The following ENAH variants were observed in gnomAD, a reference collection of about 807,000 sequenced individuals.
The protein encoded by ENAH is protein enabled homolog.
In ENAH, 23 loss-of-function variants were observed where a neutral mutation model predicts 78.7. The ratio of observed to expected loss-of-function variants is 0.29; its 90% CI spans 0.21 to 0.41. The LOEUF (loss-of-function observed/expected upper bound fraction) is 0.41, where lower values mean the gene tolerates loss of function less well. Among genes scored for constraint, ENAH ranks in the 10% least tolerant of loss-of-function variants. The pLI, the probability that ENAH is intolerant of heterozygous loss-of-function variation, is 1.00. For missense variants in ENAH, 544 were observed against 691.0 expected (o/e 0.79, Z 2.39); for synonymous variants, 226 against 241.0 (o/e 0.94, Z 0.58).
chr1:225,519,701 A>C (rs2151173494), intron 4 of ENAH, 136 bp from the exon 5 acceptor site: 6 of 1,280,882 alleles, frequency 4.7e-6, no homozygotes, highest in South Asian at 1.5e-5. Context: ...CTCCTCCCAC[A>C]TGAAGGCTAC....
intron 1 of ENAH, among the ~76,000 whole-genome samples, chr1:225,639,354 C>A (rs1264663191): frequency 6.6e-6 from 1 of 152,088 alleles, no homozygotes; most frequent in Non-Finnish European, 1.5e-5. Context: ...CTTAAGAGAG[C>A]TGCTATGGTT....
At chr1:225,621,292 C>G in intron 1 of ENAH, among the ~76,000 whole-genome samples, 1 of 147,360 alleles carries the variant, frequency 6.8e-6, no homozygotes, top group Non-Finnish European at 1.5e-5. Flanking sequence ...TTAAATCTAT[C>G]TCTCTTTTTT....
At chr1:225,572,435 A>G (rs1047642561) in intron 1 of ENAH, among the ~76,000 whole-genome samples, 6 of 152,210 alleles carry the variant, frequency 3.9e-5, no homozygotes, top group Admixed American at 3.9e-4. Context: ...GAATCTAAAA[A>G]TAGGAATATT....
chr1:225,511,216 T>A (rs1005923945), intron 10 of ENAH, among the ~76,000 whole-genome samples: 1 of 152,230 alleles, frequency 6.6e-6, no homozygotes, highest in Non-Finnish European at 1.5e-5. Flanking sequence ...CAGCCCTTAG[T>A]CTTTAATCAA....
intron 1 of ENAH, among the ~76,000 whole-genome samples, chr1:225,639,494 A>T (rs1660634342): frequency 6.6e-6 from 1 of 151,750 alleles, no homozygotes; most frequent in Non-Finnish European, 1.5e-5. Flanking sequence ...CAGGAATTCA[A>T]CCCCTTTTTT....
At chr1:225,634,326 T>C (rs1218937471) in intron 1 of ENAH, among the ~76,000 whole-genome samples, 3 of 152,234 alleles carry the variant, frequency 2.0e-5, no homozygotes, top group African/African-American at 2.4e-5. Context: ...GTGTAACTTA[T>C]ATAGTAGTTG....
Position 225,514,597 on chromosome 1 carries a change from C to T in ENAH, c.1217G>A (p.Arg406Gln), listed in dbSNP as rs1190159446. The T allele has an allele frequency of 6.8e-6, 11 of 1,611,126 alleles. No individual in the cohort carries two copies. The highest frequency in any genetic ancestry group is 6.7e-5 in the East Asian group (3 of 44,862). Residue 406 changes from arginine (R) to glutamine (Q), a missense_variant and splice_region_variant, in exon 7 of 14, where the codon CGG (arginine) becomes CAG (glutamine). Arg to Gln is a conservative substitution (Grantham distance 43). Around this residue, in one of 4 missense-constraint regions of ENAH, gnomAD observed 366 missense variants for 396.1 expected, o/e 0.92. Transcript: ENST00000366843. ...AAAATTTTTCAGAAAGGTATTTACC[C>T]GTGACACTTTCCTAAGTTTTGCTCC... ...IAGAKLRKVS[R>Q]MEDTSFPSGG...
chr1:225,641,140 G>A (rs1276157429), intron 1 of ENAH, among the ~76,000 whole-genome samples: 3 of 151,518 alleles, frequency 2.0e-5, no homozygotes, highest in African/African-American at 7.3e-5. Flanking sequence ...TGGGATTACA[G>A]GCATGAGCCA....
intron 1 of ENAH, chr1:225,652,265 G>A: frequency 1.1e-6 from 1 of 893,466 alleles, no homozygotes; most frequent in Non-Finnish European, 1.3e-6. Flanking sequence ...AATTAAACAC[G>A]AGAGTTCGGA....
intron 3 of ENAH, among the ~76,000 whole-genome samples, chr1:225,539,867 G>A (rs144727765): frequency 3.1e-4 from 47 of 152,174 alleles, no homozygotes; most frequent in Non-Finnish European, 5.1e-4. Flanking sequence ...GAACTTTCTG[G>A]CAGTCAACAC....
intron 1 of ENAH, among the ~76,000 whole-genome samples, chr1:225,586,295 G>A (rs938618106): frequency 1.3e-5 from 2 of 149,832 alleles, no homozygotes; most frequent in Non-Finnish European, 3.0e-5. Context: ...AAGAAAAGAG[G>A]GGAGAGGAGG....
intron 1 of ENAH, among the ~76,000 whole-genome samples, chr1:225,586,933 CA>C (rs571548591): frequency 5.2e-4 from 17 of 32,820 alleles, no homozygotes; most frequent in African/African-American, 1.2e-3. Flanking sequence ...CTGACCATCT[CA>C]AAAAAAAAAG....
At chr1:225,499,198 C>T (rs2096267449) in intron 12 of ENAH, among the ~76,000 whole-genome samples, 1 of 152,040 alleles carries the variant, frequency 6.6e-6, no homozygotes, top group African/African-American at 2.4e-5. Context: ...TTTTAAAATG[C>T]AGCTACAGCC....
rs566269341 is a variant in ENAH, at chr1:225,592,646, C to G, written c.6-25232G>C. Among the ~76,000 whole-genome samples, 13 of 152,238 alleles carry G rather than the reference C, an allele frequency of 8.5e-5. No individual in the cohort carries two copies. In the East Asian group the frequency reaches 1.5e-3, roughly 18 times the overall value. On this transcript the variant is annotated intron_variant, in intron 1 of 13. Transcript: ENST00000366843. ...ATATTTTAGTATTTGGATTAAAAGT[C>G]AACTTGAAATAAAACATAAATGAAT...
At chr1:225,517,794 T>C (rs918112554) in intron 5 of ENAH, 22 of 1,551,064 alleles carry the variant, frequency 1.4e-5, no homozygotes, top group Non-Finnish European at 1.9e-5. Flanking sequence ...TTGCAAAACG[T>C]GTCGCTGAGT....
At chr1:225,650,848 TAAAAAAA>T (rs746549168) in intron 1 of ENAH, among the ~76,000 whole-genome samples, 843 of 58,940 alleles carry the variant, frequency 0.014, 19 homozygotes, top group African/African-American at 0.055. Context: ...AGACTGCATT[TAAAAAAA>T]AAAAAAAAAA....
At chr1:225,598,146 A>G (rs1575663706) in intron 1 of ENAH, among the ~76,000 whole-genome samples, 1 of 152,178 alleles carries the variant, frequency 6.6e-6, no homozygotes, top group Admixed American at 6.5e-5. Context: ...CTAATGACTC[A>G]TGCATGTGGT....
chr1:225,501,902 C>G (rs913607664), intron 11 of ENAH, among the ~76,000 whole-genome samples: 1 of 152,172 alleles, frequency 6.6e-6, no homozygotes, highest in African/African-American at 2.4e-5. Context: ...GGCGCCCTCT[C>G]CAAGTCCGGC....
At chr1:225,501,755 A>G (rs2096283313) in intron 11 of ENAH, among the ~76,000 whole-genome samples, 1 of 152,348 alleles carries the variant, frequency 6.6e-6, no homozygotes, top group Non-Finnish European at 1.5e-5. Context: ...ATTTTATTAA[A>G]TAAAAAGGAT....
Sources: gnomAD v4.1 joint callset for allele counts (sites outside exome capture counted in the v4.1 genomes callset) on GRCh38, gnomAD v4.1.1 for gene constraint, gnomAD v4.1.1 regional missense constraint, MANE v1.5 for transcripts, NCBI Gene and HGNC (gene_info 2026-07-23, HGNC 2026-07-21) for gene names.